Variants in UPP2 observed in about 807,000 individuals in gnomAD.
UPP2 encodes uridine phosphorylase 2.
UPP2 carries 23 observed loss-of-function variants against 26.7 expected under a neutral mutation model. That is an observed-to-expected ratio of 0.86 (90% CI 0.62 to 1.22). The LOEUF (loss-of-function observed/expected upper bound fraction) is 1.22. UPP2 is among the 50% of genes most tolerant of loss of function. The pLI is 0.00. For missense variants in UPP2, 387 were observed against 396.7 expected (o/e 0.98, Z 0.21); for synonymous variants, 127 against 141.3 (o/e 0.90, Z 0.72).
intron 3 of UPP2, among the ~76,000 whole-genome samples, chr2:158,087,613 G>A (rs1417241568): frequency 6.6e-6 from 1 of 152,070 alleles, no homozygotes; most frequent in Non-Finnish European, 1.5e-5. Flanking sequence ...CTTTAATGAG[G>A]TTCTATTTTG....
chr2:158,053,413 G>A (rs1209087978), intron 3 of UPP2, among the ~76,000 whole-genome samples: 1 of 152,122 alleles, frequency 6.6e-6, no homozygotes, highest in Admixed American at 6.5e-5. Flanking sequence ...CTGAAATTTG[G>A]AAAGACTCGT....
At chr2:158,074,296 ATG>A (rs745775578) in intron 3 of UPP2, among the ~76,000 whole-genome samples, 2 of 152,226 alleles carry the variant, frequency 1.3e-5, no homozygotes, top group Non-Finnish European at 2.9e-5. Flanking sequence ...TGTAATTGTG[ATG>A]TGTTTACTAT....
chr2:158,071,475 C>G (rs1213295186), intron 3 of UPP2, among the ~76,000 whole-genome samples: 1 of 142,876 alleles, frequency 7.0e-6, no homozygotes, highest in South Asian at 2.3e-4. Flanking sequence ...TGCTTGAACC[C>G]GGGAGGTGGA....
intron 4 of UPP2, 144 bp downstream of exon 4, chr2:158,118,082 G>A (rs1683480487): frequency 4.5e-6 from 3 of 666,806 alleles, no homozygotes; most frequent in Non-Finnish European, 7.8e-6. Flanking sequence ...GAAACTTAAG[G>A]AAATCTGCCC....
intron 2 of UPP2, among the ~76,000 whole-genome samples, chr2:158,013,677 A>G (rs1384959895): frequency 3.9e-5 from 6 of 152,238 alleles, no homozygotes; most frequent in Non-Finnish European, 8.8e-5. Flanking sequence ...CTGCGTGGCA[A>G]CAGGCACTCA....
At chr2:158,036,952 G>A (rs1010065247) in intron 3 of UPP2, among the ~76,000 whole-genome samples, 5 of 152,162 alleles carry the variant, frequency 3.3e-5, no homozygotes, top group African/African-American at 1.2e-4. Flanking sequence ...CAAAACACTG[G>A]CTCAGTAGAA....
chr2:158,133,089 T>G (rs372801954), intron 6 of UPP2, among the ~76,000 whole-genome samples: 3 of 152,340 alleles, frequency 2.0e-5, no homozygotes, highest in African/African-American at 7.2e-5. Context: ...TGCAGCATTA[T>G]TCACAACAGC....
chr2:158,058,010 G>A (rs1682275487), intron 3 of UPP2, among the ~76,000 whole-genome samples: 2 of 151,968 alleles, frequency 1.3e-5, no homozygotes, highest in Admixed American at 1.3e-4. Flanking sequence ...GAATAAGAAG[G>A]GCCTGGGCGC....
chr2:158,104,716 G>A (rs1047936937), intron 1 of UPP2, among the ~76,000 whole-genome samples: 1 of 152,028 alleles, frequency 6.6e-6, no homozygotes, highest in Non-Finnish European at 1.5e-5. Context: ...GAGGTCAGAG[G>A]TTTGAGACCA....
intron 3 of UPP2, among the ~76,000 whole-genome samples, chr2:158,075,599 T>A (rs181140772): frequency 6.6e-6 from 1 of 151,988 alleles, no homozygotes; most frequent in East Asian, 1.9e-4. Flanking sequence ...ATTGGGTCAA[T>A]GAAGAAATTA....
intron 3 of UPP2, among the ~76,000 whole-genome samples, chr2:158,075,844 C>T (rs557165044): frequency 4.7e-5 from 7 of 149,554 alleles, no homozygotes; most frequent in African/African-American, 1.7e-4. Context: ...AAGATCAGAG[C>T]AGAAATAAAT....
rs935735533 is a variant in UPP2 at position 158,002,522 on chromosome 2, C to T, written c.61+7263C>T. On this transcript the variant is annotated intron_variant, in intron 2 of 9. Transcript: ENST00000605860. ...AAGAAAAAGGCAGCTATCTGGCAGGCCTGCCTGCACAGAGCAAGAGCTTTG... is the reference window on the plus strand; with the variant it reads ...AAGAAAAAGGCAGCTATCTGGCAGGTCTGCCTGCACAGAGCAAGAGCTTTG... Among the ~76,000 whole-genome samples, 4 of 152,264 alleles carry T rather than the reference C, an allele frequency of 2.6e-5. No individual in the cohort carries two copies. In the East Asian group the frequency reaches 5.8e-4, roughly 22 times the overall value.
At chr2:158,095,259 G>C (rs1218518696) in intron 3 of UPP2, among the ~76,000 whole-genome samples, 1 of 152,128 alleles carries the variant, frequency 6.6e-6, no homozygotes, top group Non-Finnish European at 1.5e-5. Context: ...ATCAGCTTTA[G>C]GACTGGGCCA....
intron 3 of UPP2, among the ~76,000 whole-genome samples, chr2:158,042,237 G>A (rs1471099416): frequency 1.3e-5 from 2 of 152,270 alleles, no homozygotes; most frequent in African/African-American, 4.8e-5. Flanking sequence ...ATTTAGGCCT[G>A]TACAGTTTTT....
At chr2:158,060,916 CT>C (rs1229113598) in intron 3 of UPP2, among the ~76,000 whole-genome samples, 1 of 152,198 alleles carries the variant, frequency 6.6e-6, no homozygotes, top group East Asian at 1.9e-4. Flanking sequence ...AATGTTTGTT[CT>C]TTAAGTCACC....
intron 3 of UPP2, among the ~76,000 whole-genome samples, chr2:158,052,145 T>A (rs1164232908): frequency 6.6e-6 from 1 of 152,200 alleles, no homozygotes; most frequent in Non-Finnish European, 1.5e-5. Context: ...TTGTTGTTTA[T>A]CTGACAGTCA....
chr2:158,076,864 A>G (rs550878440), intron 3 of UPP2, among the ~76,000 whole-genome samples: 1 of 152,258 alleles, frequency 6.6e-6, no homozygotes, highest in South Asian at 2.1e-4. Context: ...CAAATTGAAA[A>G]GAAAGAAGTA....
chr2:158,108,339 C>G (rs1167641474), intron 2 of UPP2, among the ~76,000 whole-genome samples: 2 of 152,036 alleles, frequency 1.3e-5, no homozygotes, highest in East Asian at 3.9e-4. Flanking sequence ...ATATGTTTGT[C>G]TGTAATAGGC....
chr2:158,091,897 A>T (rs1039119614), intron 3 of UPP2, among the ~76,000 whole-genome samples: 9 of 152,224 alleles, frequency 5.9e-5, no homozygotes, highest in African/African-American at 2.2e-4. Flanking sequence ...GTCAAGGAGC[A>T]GTCAATGTTA....
Sources: gnomAD v4.1 joint callset for allele counts (sites outside exome capture counted in the v4.1 genomes callset) on GRCh38, gnomAD v4.1.1 for gene constraint, MANE v1.5 for transcripts, NCBI Gene and HGNC (gene_info 2026-07-23, HGNC 2026-07-21) for gene names.